Variants in PRKDC observed in about 807,000 individuals in gnomAD.
PRKDC encodes DNA-dependent protein kinase catalytic subunit.
In PRKDC, 82 loss-of-function variants were observed where a neutral mutation model predicts 486.9. That is an observed-to-expected ratio of 0.17 (90% CI 0.14 to 0.20). PRKDC has a LOEUF of 0.20. Among genes scored for constraint, PRKDC ranks in the 10% least tolerant of loss-of-function variants. The pLI, the probability that PRKDC is intolerant of heterozygous loss-of-function variation, is 1.00. For missense variants in PRKDC, 4,504 were observed against 5,038.2 expected (o/e 0.89, Z 3.21); for synonymous variants, 1,895 against 1,837.0 (o/e 1.03, Z -0.81).
At chr8:47,894,003 G>A (rs532843802) in intron 30 of PRKDC, among the ~76,000 whole-genome samples, 4 of 152,134 alleles carry the variant, frequency 2.6e-5, no homozygotes, top group Non-Finnish European at 4.4e-5. Flanking sequence ...ACATTCAGCC[G>A]GGGGTGGTGG....
intron 61 of PRKDC, among the ~76,000 whole-genome samples, chr8:47,829,480 T>TA (rs1311850634): frequency 2.0e-5 from 3 of 152,210 alleles, no homozygotes; most frequent in Admixed American, 6.5e-5. Flanking sequence ...ACTTAATATT[T>TA]AAAAAATAAA....
At chr8:47,921,720 T>C (rs1240006215) in intron 21 of PRKDC, among the ~76,000 whole-genome samples, 1 of 152,206 alleles carries the variant, frequency 6.6e-6, no homozygotes, top group African/African-American at 2.4e-5. Context: ...TTAGTAATTA[T>C]ATAATTAACA....
intron 1 of PRKDC, among the ~76,000 whole-genome samples, chr8:47,958,940 TGGTCAG>T (rs1164246600): frequency 6.6e-6 from 1 of 152,126 alleles, no homozygotes; most frequent in Non-Finnish European, 1.5e-5. Context: ...TTCACCATAC[TGGTCAG>T]GTTGGTCTCC....
intron 74 of PRKDC, among the ~76,000 whole-genome samples, chr8:47,792,118 T>G (rs946618840): frequency 6.6e-6 from 1 of 152,128 alleles, no homozygotes; most frequent in Non-Finnish European, 1.5e-5. Context: ...CTTACTCATT[T>G]GTGGAAGCTA....
At chr8:47,823,743 GAA>G in intron 64 of PRKDC, 113 bp downstream of exon 64, 1 of 1,263,780 alleles carries the variant, frequency 7.9e-7, no homozygotes, top group Non-Finnish European at 1.1e-6. Flanking sequence ...ACATTGTAAC[GAA>G]AAGACATTGA....
In PRKDC at chr8:47,886,121, CAGG is replaced by C. The variant is rs773723334; in HGVS notation, c.4596_4598del (p.Leu1533del). 1 of 1,609,110 alleles carries C rather than the reference CAGG, an allele frequency of 6.2e-7. No individual in the cohort carries two copies. The highest frequency in any genetic ancestry group is 8.5e-7 in the Non-Finnish European group (1 of 1,178,174). On this transcript the variant is annotated inframe_deletion, in exon 36 of 86. Transcript: ENST00000314191. ...ACGCCGTGGACAGCACCGCTGGGTT[CAGG>C]AGAAGACTCACAAGGCGCTCACACT...
At chr8:47,832,500 T>C (rs1170398542) in intron 59 of PRKDC, among the ~76,000 whole-genome samples, 1 of 152,102 alleles carries the variant, frequency 6.6e-6, no homozygotes, top group African/African-American at 2.4e-5. Flanking sequence ...AACATGATCA[T>C]TTATCAGAAA....
chr8:47,858,792 T>A (rs1361400274), intron 47 of PRKDC, 57 bp downstream of exon 47: 1 of 1,549,986 alleles, frequency 6.5e-7, no homozygotes, highest in Non-Finnish European at 8.7e-7. Context: ...AAATGTTCAT[T>A]CTCAGTATGA....
intron 70 of PRKDC, among the ~76,000 whole-genome samples, 185 bp downstream of exon 70, chr8:47,803,121 T>A (rs539185063): frequency 6.6e-6 from 1 of 152,234 alleles, no homozygotes; most frequent in East Asian, 1.9e-4. Flanking sequence ...ACATCTTATA[T>A]GCAAACACAA....
At chr8:47,792,950 T>C (rs2086906970) in intron 74 of PRKDC, among the ~76,000 whole-genome samples, 1 of 152,224 alleles carries the variant, frequency 6.6e-6, no homozygotes, top group African/African-American at 2.4e-5. Context: ...AGTTCAGTCA[T>C]AGCTCACTGC....
intron 72 of PRKDC, 26 bp downstream of exon 72, chr8:47,799,184 C>A: frequency 6.2e-7 from 1 of 1,612,710 alleles, no homozygotes; most frequent in Non-Finnish European, 8.5e-7. Context: ...CATAATGGAA[C>A]ACTAGCTTTT....
chr8:47,892,628 G>T (rs573451503), intron 31 of PRKDC, among the ~76,000 whole-genome samples: 1 of 152,252 alleles, frequency 6.6e-6, no homozygotes, highest in East Asian at 1.9e-4. Flanking sequence ...TCTGCACCCA[G>T]CCAAGGAATC....
intron 25 of PRKDC, among the ~76,000 whole-genome samples, chr8:47,905,622 T>C (rs1313381578): frequency 6.6e-6 from 1 of 152,082 alleles, no homozygotes; most frequent in Non-Finnish European, 1.5e-5. Flanking sequence ...ATGTCCTATA[T>C]ACACAAATTC....
At chr8:47,889,683 T>C (rs1012299407) in intron 32 of PRKDC, among the ~76,000 whole-genome samples, 1 of 152,254 alleles carries the variant, frequency 6.6e-6, no homozygotes, top group Non-Finnish European at 1.5e-5. Context: ...CTAAGGTAGA[T>C]GTTTGATCAT....
intron 76 of PRKDC, among the ~76,000 whole-genome samples, chr8:47,786,566 T>C (rs2086794434): frequency 6.6e-6 from 1 of 152,072 alleles, no homozygotes; most frequent in Non-Finnish European, 1.5e-5. Context: ...AGGAACAAAG[T>C]TAAAAACAAC....
intron 1 of PRKDC, chr8:47,959,244 A>G (rs2090768236): frequency 6.6e-6 from 1 of 152,260 alleles, no homozygotes; most frequent in Non-Finnish European, 1.5e-5. Context: ...AAGGGGAAAA[A>G]GTTCCCACCC....
chr8:47,782,539 C>T lies in PRKDC; in HGVS notation c.11235G>A (p.Glu3745=). 6.4e-7 allele frequency: 1 copy of T among 1,574,796 alleles called. No individual in the cohort carries two copies. Among genetic ancestry groups the T allele is most frequent in the Non-Finnish European group, 8.6e-7 (1 of 1,160,402 alleles). Reference sequence around the variant, plus strand: ...CCTTCACCAGGAAAGGGTGTTCCCTCTCGTCATGGCCACGGATGATGATGC... The same window carrying T: ...CCTTCACCAGGAAAGGGTGTTCCCTTTCGTCATGGCCACGGATGATGATGC... The part of the protein sequence containing the change: ...PKRIIIRGHD[E]REHPFLVKGG... Residue 3745 remains glutamate, a synonymous_variant, in exon 79 of 86, where the codon GAG becomes GAA. Transcript: ENST00000314191. This position sits in a 1 kb window ranked among gnomAD's most constrained non-coding sequence, Gnocchi z 4.9.
intron 62 of PRKDC, among the ~76,000 whole-genome samples, 200 bp from the exon 63 acceptor site, chr8:47,827,061 C>T (rs778019974): frequency 3.3e-5 from 5 of 150,812 alleles, no homozygotes; most frequent in African/African-American, 1.2e-4. Flanking sequence ...TTTAATTTTA[C>T]GCTTCCATTC....
intron 21 of PRKDC, 54 bp from the exon 22 acceptor site, chr8:47,918,437 T>G (rs117838707): frequency 2.0e-5 from 22 of 1,087,334 alleles, no homozygotes; most frequent in Non-Finnish European, 2.8e-5. Context: ...ATTCATTTAA[T>G]GTACATTAGA....
Sources: allele counts gnomAD v4.1 joint callset (sites outside exome capture counted in the v4.1 genomes callset), GRCh38; gene constraint gnomAD v4.1.1; non-coding constraint Gnocchi (gnomAD v3.1); transcripts MANE v1.5; gene names NCBI Gene and HGNC (gene_info 2026-07-23, HGNC 2026-07-21).